Variants in SIRPA observed in about 807,000 individuals in gnomAD.
SIRPA encodes the protein tyrosine-protein phosphatase non-receptor type substrate 1.
A neutral mutation model predicts 50.3 loss-of-function variants in SIRPA; 9 were observed. The observed-to-expected ratio is 0.18, with a 90% confidence interval of 0.11 to 0.31. The LOEUF (loss-of-function observed/expected upper bound fraction) is 0.31. Among genes scored for constraint, SIRPA ranks in the 10% least tolerant of loss-of-function variants. The probability of loss-of-function intolerance (pLI) is 1.00; values close to 1 mark genes in which losing one functional copy is unlikely to be tolerated. For missense variants in SIRPA, 474 were observed against 661.6 expected, an observed-to-expected ratio of 0.72 and a Z score of 3.11; for synonymous variants, 265 against 284.1, an observed-to-expected ratio of 0.93 and a Z score of 0.68.
rs76427415 is a variant in SIRPA at position 1,933,768 on chromosome 20, G to A, written c.1227-947G>A. Among the ~76,000 whole-genome samples the A allele has an allele frequency of 3.9e-5, 6 of 152,260 alleles. No homozygotes were observed. The East Asian group carries it at 5.8e-4, about 15-fold the overall frequency. On this transcript the variant is annotated intron_variant, in intron 6 of 7. Transcript: ENST00000358771. This position sits in a 1 kb window ranked among gnomAD's most constrained non-coding sequence, Gnocchi z 4.4. Reference sequence around the variant, plus strand: ...CCATGCTAACATCCCCGGGGTTGCCGGCTTGAGAATTTACACAACTTCTGC... The same window carrying A: ...CCATGCTAACATCCCCGGGGTTGCCAGCTTGAGAATTTACACAACTTCTGC...
At chr20:1,909,685 G>C (rs1206807055) in intron 1 of SIRPA, among the ~76,000 whole-genome samples, 1 of 152,216 alleles carries the variant, frequency 6.6e-6, no homozygotes, top group African/African-American at 2.4e-5. Flanking sequence ...GGGAGGCTGA[G>C]GCAGGAGAAT....
intron 4 of SIRPA, among the ~76,000 whole-genome samples, chr20:1,923,573 A>G (rs765221155): frequency 6.6e-6 from 1 of 152,228 alleles, no homozygotes; most frequent in Non-Finnish European, 1.5e-5. Context: ...GCATTGGCCA[A>G]TGCCGGGTTT....
chr20:1,911,453 A>C (rs775117266), intron 1 of SIRPA, among the ~76,000 whole-genome samples: 39 of 152,338 alleles, frequency 2.6e-4, no homozygotes, highest in Middle Eastern at 3.4e-3. Context: ...ATTATTTAAA[A>C]TGATGCCATG....
Position 1,940,393 on chromosome 20 carries a change from C to T in SIRPA, c.*2825C>T, listed in dbSNP as rs1007960932. 2.6e-5 allele frequency: 4 copies of T among 152,318 alleles called. No homozygotes were observed. The highest frequency in any genetic ancestry group is 4.4e-5 in the Non-Finnish European group (3 of 68,128). 9.4% of individuals were successfully genotyped at this position (152,318 alleles called of 1,614,324 possible). A position where few individuals can be genotyped will look rare whatever the true frequency, so the allele number is the denominator to read the frequency against. ...GGATCTCGGACACCCGGCTCACCCT[C>T]CTCCTGGGGCCTCACTTTCCTTCCC... is the stretch of plus-strand genomic sequence containing the variant. On this transcript the variant is annotated 3_prime_UTR_variant, in exon 8 of 8. Transcript: ENST00000358771.
intron 1 of SIRPA, among the ~76,000 whole-genome samples, chr20:1,903,473 G>T (rs991974035): frequency 8.4e-4 from 128 of 152,286 alleles, no homozygotes; most frequent in Middle Eastern, 6.8e-3. Flanking sequence ...TTCCGCAGCC[G>T]TCCTTGCCCC....
rs1568507131 is a variant in SIRPA at position 1,922,554 on chromosome 20, G to C, written c.996G>C (p.Gln332His). 3 of 1,614,222 alleles carry C rather than the reference G, an allele frequency of 1.9e-6. No homozygotes were observed. The highest frequency in any genetic ancestry group is 8.5e-7 in the Non-Finnish European group (1 of 1,180,036). The change falls in exon 4 of 8, where the codon CAG becomes CAC. Residue 332 changes from glutamine (Q) to histidine (H), a missense_variant. Gln to His is a conservative substitution (Grantham distance 24). Around this residue, in one of 4 missense-constraint regions of SIRPA, gnomAD observed 221 missense variants for 359.9 expected, o/e 0.61. Coordinates refer to ENST00000358771, the MANE Select transcript of SIRPA (RefSeq NM_001040023.2). ...GGGATGATGTGAAGCTCACCTGCCA[G>C]GTGGAGCATGACGGGCAGCCAGCGG... ...AHRDDVKLTC[Q>H]VEHDGQPAVS...
Position 1,929,221 on chromosome 20 carries a change from G to A in SIRPA, c.1226+1322G>A, listed in dbSNP as rs531968292. ...ATCTGACTTTTGTTTTAAAAGTGTC[G>A]CCTGGCTACATGTGGAGCCCAGACT... On this transcript the variant is annotated intron_variant, in intron 6 of 7. Transcript: ENST00000358771. 5.4e-4 allele frequency among the ~76,000 whole-genome samples: 82 copies of A among 152,128 alleles called. No homozygotes were observed. In the East Asian group the frequency reaches 9.5e-3, roughly 18 times the overall value.
Position 1,933,314 on chromosome 20 carries a change from A to C in SIRPA, c.1227-1401A>C, listed in dbSNP as rs1379736623. Among the ~76,000 whole-genome samples, 2 of 152,214 alleles carry C rather than the reference A, an allele frequency of 1.3e-5. No individual in the cohort carries two copies. The highest frequency in any genetic ancestry group is 2.9e-5 in the Non-Finnish European group (2 of 68,042). ...TGACACCATAGTTGAGTCTTGAAGGAAACAGGAAAGTTAGCCAAGAGGAAA... is the reference window on the plus strand; with the variant it reads ...TGACACCATAGTTGAGTCTTGAAGGCAACAGGAAAGTTAGCCAAGAGGAAA... On this transcript the variant is annotated intron_variant, in intron 6 of 7. Transcript: ENST00000358771. This position sits in a 1 kb window ranked among gnomAD's most constrained non-coding sequence, Gnocchi z 4.4.
Position 1,937,631 on chromosome 20 carries a change from C to G in SIRPA, c.*63C>G. On this transcript the variant is annotated 3_prime_UTR_variant, in exon 8 of 8. Coordinates refer to ENST00000358771, the MANE Select transcript of SIRPA (RefSeq NM_001040023.2). This position sits in a 1 kb window ranked among gnomAD's most constrained non-coding sequence, Gnocchi z 8.3. ...GCTTTCTTGTCCCACAGGGAGCCGC[C>G]GTGATGAGCACAGCCAACCCAGTTC... The G allele has an allele frequency of 6.3e-7, 1 of 1,577,854 alleles. No homozygotes were observed. Among genetic ancestry groups the G allele is most frequent in the Non-Finnish European group, 8.6e-7 (1 of 1,159,708 alleles).
chr20:1,937,621 A>G lies in SIRPA; in HGVS notation c.*53A>G. On this transcript the variant is annotated 3_prime_UTR_variant, in exon 8 of 8. Transcript: ENST00000358771. The surrounding 1 kb of genome is among the most constrained non-coding windows in gnomAD (Gnocchi z 8.3). The stretch of plus-strand genomic sequence containing the variant: ...ATCTCTACGCGCTTTCTTGTCCCAC[A>G]GGGAGCCGCCGTGATGAGCACAGCC... 1 of 1,590,758 alleles carries G rather than the reference A, an allele frequency of 6.3e-7. No individual in the cohort carries two copies. The highest frequency in any genetic ancestry group is 8.6e-7 in the Non-Finnish European group (1 of 1,166,064).
intron 1 of SIRPA, among the ~76,000 whole-genome samples, chr20:1,896,722 C>G (rs1342101673): frequency 1.3e-5 from 2 of 152,054 alleles, no homozygotes; most frequent in African/African-American, 4.8e-5. Flanking sequence ...AGCTGCTTCT[C>G]TCTGCCCTGC....
At chr20:1,912,498 C>T (rs1190801972) in intron 1 of SIRPA, among the ~76,000 whole-genome samples, 3 of 152,218 alleles carry the variant, frequency 2.0e-5, no homozygotes, top group Non-Finnish European at 4.4e-5. Flanking sequence ...ATATTTTTAT[C>T]GATGACACTG....
At chr20:1,894,976 G>T (rs1433037141), upstream of SIRPA, among the ~76,000 whole-genome samples, 1 of 147,180 alleles carries the variant, frequency 6.8e-6, no homozygotes, top group Non-Finnish European at 1.5e-5. This position sits in a 1 kb window ranked among gnomAD's most constrained non-coding sequence, Gnocchi z 4.0. Context: ...GGTGGGCAGC[G>T]GCGGGGGCGG....
intron 2 of SIRPA, among the ~76,000 whole-genome samples, chr20:1,918,941 C>T (rs13041093): frequency 0.055 from 8,440 of 152,306 alleles, 287 homozygotes; most frequent in Middle Eastern, 0.092. Flanking sequence ...GGACAAGGCA[C>T]TCCACCACCA....
rs1006057416 is a variant in SIRPA at position 1,927,716 on chromosome 20, G to A, written c.1202-159G>A. Among the ~76,000 whole-genome samples the A allele has an allele frequency of 2.6e-5, 4 of 152,218 alleles. No individual in the cohort carries two copies. The highest frequency in any genetic ancestry group is 3.8e-4 in the East Asian group (2 of 5,200). ...CCAGGCTTCCTTGGTGGAAGAGGATGCCCACTGGGTGGGCATGGGGGTCTC... is the reference window on the plus strand; with the variant it reads ...CCAGGCTTCCTTGGTGGAAGAGGATACCCACTGGGTGGGCATGGGGGTCTC... On this transcript the variant is annotated intron_variant, in intron 5 of 7. Transcript: ENST00000358771. The surrounding 1 kb of genome is among the most constrained non-coding windows in gnomAD (Gnocchi z 6.5).
chr20:1,904,504 A>C (rs1280514821), intron 1 of SIRPA, among the ~76,000 whole-genome samples: 2 of 152,084 alleles, frequency 1.3e-5, no homozygotes, highest in African/African-American at 4.8e-5. Flanking sequence ...ACCATGGCCA[A>C]ATGGTTGTAC....
chr20:1,900,024 G>A (rs76598833), intron 1 of SIRPA, among the ~76,000 whole-genome samples: 2 of 151,494 alleles, frequency 1.3e-5, no homozygotes, highest in African/African-American at 4.8e-5. Flanking sequence ...ACACATAGGG[G>A]GTACTTAAAA....
intron 1 of SIRPA, among the ~76,000 whole-genome samples, chr20:1,900,775 C>T (rs1247809550): frequency 6.6e-6 from 1 of 152,200 alleles, no homozygotes; most frequent in African/African-American, 2.4e-5. Context: ...GACAGGATCC[C>T]GAATTCCCCG....
chr20:1,931,588 C>T (rs1445048044), intron 6 of SIRPA, among the ~76,000 whole-genome samples: 1 of 152,188 alleles, frequency 6.6e-6, no homozygotes, highest in Non-Finnish European at 1.5e-5. Context: ...ATGGTGGTTT[C>T]CCATGTAGCA....
Sources: allele counts gnomAD v4.1 joint callset (sites outside exome capture counted in the v4.1 genomes callset), GRCh38; gene constraint gnomAD v4.1.1; regional missense constraint gnomAD v4.1.1; non-coding constraint Gnocchi (gnomAD v3.1); transcripts MANE v1.5; gene names NCBI Gene and HGNC (gene_info 2026-07-23, HGNC 2026-07-21).